Variants in BCL2L12 observed in about 807,000 individuals in gnomAD.
The protein encoded by BCL2L12 is bcl-2-like protein 12.
In BCL2L12, 27 loss-of-function variants were observed where a neutral mutation model predicts 25.7. That is an observed-to-expected ratio of 1.05 (90% CI 0.78 to 1.45). The LOEUF (loss-of-function observed/expected upper bound fraction) is 1.45. Among genes scored for constraint, BCL2L12 ranks in the 40% most tolerant of loss-of-function variants. BCL2L12 has a pLI of 0.00. For missense variants in BCL2L12, 302 were observed against 329.8 expected, an observed-to-expected ratio of 0.92 and a Z score of 0.65; for synonymous variants, 132 against 145.6, an observed-to-expected ratio of 0.91 and a Z score of 0.67.
intron 5 of BCL2L12, 118 bp downstream of exon 5, chr19:49,669,233 A>G (rs2081898200): frequency 1.3e-6 from 2 of 1,495,512 alleles, no homozygotes; most frequent in Non-Finnish European, 1.8e-6. Context: ...AGGCTGGGAC[A>G]AGGTTTCAAT....
intron 1 of BCL2L12, 103 bp downstream of exon 1, chr19:49,666,170 AGGG>A: frequency 7.2e-7 from 1 of 1,391,200 alleles, no homozygotes; most frequent in Admixed American, 2.7e-5. Context: ...CCAAGGGTCC[AGGG>A]TCCTCTAGAT....
rs369710228 is a variant in BCL2L12, at chr19:49,669,423, C to T, written c.429+308C>T. Among the ~76,000 whole-genome samples, 55 of 151,940 alleles carry T rather than the reference C, an allele frequency of 3.6e-4. 1 individual carries two copies. The South Asian group carries it at 0.011, about 30-fold the overall frequency. ...TGGTGGTGCGCTTCTGTAATCCCAG[C>T]TACTCAGAAGGCTGAGGCAGGAGAA... On this transcript the variant is annotated intron_variant, in intron 5 of 6. Coordinates refer to ENST00000246784, the MANE Select transcript of BCL2L12 (RefSeq NM_138639.2).
chr19:49,665,687 C>G (rs1055970445), upstream of BCL2L12: 1 of 1,223,454 alleles, frequency 8.2e-7, no homozygotes, highest in South Asian at 1.5e-5. Context: ...TCTTGGAGCT[C>G]CGGGTAGCTC....
Position 49,670,244 on chromosome 19 carries a change from A to G in BCL2L12, c.458A>G (p.Lys153Arg), listed in dbSNP as rs2081928711. 1.9e-6 allele frequency: 3 copies of G among 1,608,900 alleles called. No individual in the cohort carries two copies. Among genetic ancestry groups the G allele is most frequent in the Non-Finnish European group, 8.5e-7 (1 of 1,179,568 alleles). ...GCCTCGGACCCCGCCCTGCGCAGCAAGCTGGTCCGCCTGTCCTCCGACTCT... is the reference window on the plus strand; with the variant it reads ...GCCTCGGACCCCGCCCTGCGCAGCAGGCTGGTCCGCCTGTCCTCCGACTCT... The part of the protein sequence containing the change: ...KLASDPALRS[K>R]LVRLSSDSFA... The change falls in exon 6 of 7, where the codon AAG (lysine) becomes AGG (arginine). Residue 153 changes from lysine to arginine, a missense_variant. Coordinates refer to ENST00000246784, the MANE Select transcript of BCL2L12 (RefSeq NM_138639.2).
At chr19:49,666,988 T>A (rs1420682994) in intron 2 of BCL2L12, 31 bp from the exon 3 acceptor site, 1 of 1,608,166 alleles carries the variant, frequency 6.2e-7, no homozygotes, top group South Asian at 1.1e-5. Flanking sequence ...GGATCTCTGG[T>A]GGGGTCAGTC....
chr19:49,668,032 G>A (rs1011876672), intron 3 of BCL2L12, among the ~76,000 whole-genome samples: 7 of 151,820 alleles, frequency 4.6e-5, no homozygotes, highest in Non-Finnish European at 8.8e-5. Flanking sequence ...CTCCCACGTC[G>A]GCCTCCCAAA....
chr19:49,673,569 G>T lies in BCL2L12; in HGVS notation c.703-129G>T, dbSNP rs1372807413. 8 of 760,992 alleles carry T rather than the reference G, an allele frequency of 1.1e-5. No individual in the cohort carries two copies. In the African/African-American group the frequency reaches 1.4e-4, roughly 13 times the overall value. The allele number at this position is 760,992 out of a possible 1,614,324, so 47.1% of individuals were successfully genotyped here. A position where few individuals can be genotyped will look rare whatever the true frequency, so the allele number is the denominator to read the frequency against. Reference sequence around the variant, plus strand: ...GTCTGGGTCTCTGTCCCCTTGTCTGGGTGTCTGTCACCCTCCGCTCTCTGG... The same window carrying T: ...GTCTGGGTCTCTGTCCCCTTGTCTGTGTGTCTGTCACCCTCCGCTCTCTGG... On this transcript the variant is annotated intron_variant, in intron 6 of 6. Coordinates refer to ENST00000246784, the MANE Select transcript of BCL2L12 (RefSeq NM_138639.2).
intron 3 of BCL2L12, 72 bp downstream of exon 3, chr19:49,667,233 C>T: frequency 6.4e-7 from 1 of 1,571,088 alleles, no homozygotes; most frequent in Non-Finnish European, 8.7e-7. Context: ...GATCACTCAG[C>T]TAGGGGGTGG....
rs1387333366 is a variant in BCL2L12 at position 49,666,015 on chromosome 19, G to A, written c.-61G>A. On this transcript the variant is annotated 5_prime_UTR_variant, in exon 1 of 7. In the 5' UTR this introduces an upstream ATG that the reference lacks. Transcript: ENST00000246784. ...AACTAATAAAGTTTGTACGAGTTCA[G>A]TGGAGGAGACCGCAAGTTGAGTGGA... 6.3e-7 allele frequency: 1 copy of A among 1,585,764 alleles called. No individual in the cohort carries two copies.
At chr19:49,666,176 C>T (rs1380318623) in intron 1 of BCL2L12, 109 bp downstream of exon 1, 13 of 1,369,088 alleles carry the variant, frequency 9.5e-6, no homozygotes, top group Non-Finnish European at 1.3e-5. Context: ...GTCCAGGGTC[C>T]TCTAGATTCC....
chr19:49,665,444 CTCTTTCCT>C (rs1488394341), upstream of BCL2L12: 36 of 197,458 alleles, frequency 1.8e-4, no homozygotes, highest in East Asian at 2.0e-3. Flanking sequence ...TCCTCTTTTC[CTCTTTCCT>C]CCCTACTTTT....
intron 3 of BCL2L12, 93 bp downstream of exon 3, chr19:49,667,254 T>A (rs2081824504): frequency 6.6e-7 from 1 of 1,521,046 alleles, no homozygotes; most frequent in Admixed American, 1.9e-5. Context: ...CTGTGTGGAG[T>A]CTCTAGCACC....
intron 1 of BCL2L12, 70 bp downstream of exon 1, chr19:49,666,137 C>A: frequency 6.7e-7 from 1 of 1,485,302 alleles, no homozygotes. Context: ...GTGGTGGGCA[C>A]CCCAGTCCCG....
intron 3 of BCL2L12, among the ~76,000 whole-genome samples, 159 bp downstream of exon 3, chr19:49,667,320 A>T: frequency 6.6e-6 from 1 of 152,220 alleles, no homozygotes; most frequent in South Asian, 2.1e-4. Context: ...ATTTCTGTCA[A>T]TTCTGTGGGT....
chr19:49,668,715 G>A (rs778563126), intron 3 of BCL2L12, 136 bp from the exon 4 acceptor site: 31 of 913,118 alleles, frequency 3.4e-5, no homozygotes, highest in South Asian at 1.1e-4. Flanking sequence ...GCGAGACTCC[G>A]TTTCCCAAAA....
intron 3 of BCL2L12, among the ~76,000 whole-genome samples, chr19:49,667,561 C>G (rs1174859762): frequency 1.3e-5 from 2 of 152,158 alleles, no homozygotes; most frequent in East Asian, 3.8e-4. Context: ...GAGGAGGTCA[C>G]TGGACTTGAT....
rs145966145 is a variant in BCL2L12 at position 49,673,585 on chromosome 19, C to T, written c.703-113C>T. The T allele has an allele frequency of 4.4e-4, 388 of 889,112 alleles. 2 individuals are homozygous for T. Among genetic ancestry groups the T allele is most frequent in the Non-Finnish European group, 3.4e-4 (180 of 532,698 alleles). 55.1% of individuals were successfully genotyped at this position (889,112 alleles called of 1,614,324 possible). ...CCTTGTCTGGGTGTCTGTCACCCTC[C>T]GCTCTCTGGTTCCTCGCCTTCCCGT... On this transcript the variant is annotated intron_variant, in intron 6 of 6. Transcript: ENST00000246784.
Position 49,666,583 on chromosome 19 carries a change from C to A in BCL2L12, c.-8-102C>A, listed in dbSNP as rs554580369. 8.3e-6 allele frequency: 7 copies of A among 842,716 alleles called. No homozygotes were observed. In the East Asian group the frequency reaches 1.6e-4, roughly 20 times the overall value. 52.2% of individuals were successfully genotyped at this position (842,716 alleles called of 1,614,324 possible). On this transcript the variant is annotated intron_variant, in intron 1 of 6. Coordinates refer to ENST00000246784, the MANE Select transcript of BCL2L12 (RefSeq NM_138639.2). Reference sequence around the variant, plus strand: ...CACACTCTCCAAAGGACCCAGGAGTCCAGGCCCTCAGCACCTTCCTTGGGA... The same window carrying A: ...CACACTCTCCAAAGGACCCAGGAGTACAGGCCCTCAGCACCTTCCTTGGGA...
chr19:49,670,317 C>T lies in BCL2L12; in HGVS notation c.531C>T (p.Arg177=). 6.2e-7 allele frequency: 1 copy of T among 1,607,680 alleles called. No individual in the cohort carries two copies. Among genetic ancestry groups the T allele is most frequent in the East Asian group, 2.2e-5 (1 of 44,696 alleles). The change falls in exon 6 of 7, where the codon CGC becomes CGT. Residue 177 remains arginine, a synonymous_variant. Coordinates refer to ENST00000246784, the MANE Select transcript of BCL2L12 (RefSeq NM_138639.2). ...ELFCSRDDSS[R]PSRACPGPPP... The stretch of plus-strand genomic sequence containing the variant: ...TCTGTAGCCGGGATGACAGCTCTCG[C>T]CCAAGCCGAGCATGCCCCGGGCCCC...
Sources: gnomAD v4.1 joint callset for allele counts (sites outside exome capture counted in the v4.1 genomes callset) on GRCh38, gnomAD v4.1.1 for gene constraint, MANE v1.5 for transcripts, NCBI Gene and HGNC (gene_info 2026-07-23, HGNC 2026-07-21) for gene names.